RAD54L2: variants seen among roughly 807,000 people sequenced by gnomAD.
RAD54L2 encodes RAD54 like 2, also known as helicase ARIP4.
A neutral mutation model predicts 138.4 loss-of-function variants in RAD54L2; 27 were observed. The ratio of observed to expected loss-of-function variants is 0.20; its 90% CI spans 0.14 to 0.27. RAD54L2 has a LOEUF of 0.27. Ranked by LOEUF, RAD54L2 falls within the 10% of genes least tolerant of loss-of-function variation. The probability of loss-of-function intolerance (pLI) is 1.00; values close to 1 mark genes in which losing one functional copy is unlikely to be tolerated. For synonymous variants in RAD54L2, 644 were observed against 723.2 expected (o/e 0.89, Z 1.76); for missense variants, 1,396 against 1,890.2 (o/e 0.74, Z 4.85).
chr3:51,573,680 C>T (rs11708092), intron 2 of RAD54L2, among the ~76,000 whole-genome samples: 3,856 of 152,112 alleles, frequency 0.025, 71 homozygotes, highest in Middle Eastern at 0.051. Flanking sequence ...ATGTTGGCCA[C>T]GCTGGTCTCG....
intron 19 of RAD54L2, among the ~76,000 whole-genome samples, chr3:51,653,226 A>G (rs554822844): frequency 2.0e-5 from 3 of 152,346 alleles, no homozygotes; most frequent in Admixed American, 1.3e-4. Flanking sequence ...CAAAACCGCA[A>G]TGAGATACCA....
In RAD54L2 at chr3:51,576,859, CTCTGA is replaced by C. The variant is rs1299793957; in HGVS notation, c.-54-13504_-54-13500del. Among the ~76,000 whole-genome samples the C allele has an allele frequency of 2.0e-5, 3 of 152,086 alleles. No homozygotes were observed. In the South Asian group the frequency reaches 6.2e-4, roughly 32 times the overall value. ...TGTGTCTCTATTTCCTTCAGTTCTGCTCTGATCTATTTCCTGCCTTCTGCTAGCTT... is the reference window on the plus strand; with the variant it reads ...TGTGTCTCTATTTCCTTCAGTTCTGCTCTATTTCCTGCCTTCTGCTAGCTT... On this transcript the variant is annotated intron_variant, in intron 2 of 22. Transcript: ENST00000684192.
chr3:51,579,823 T>G (rs1699567511), intron 2 of RAD54L2, among the ~76,000 whole-genome samples: 1 of 152,140 alleles, frequency 6.6e-6, no homozygotes. Flanking sequence ...CACAGTTTAT[T>G]TTTACACATG....
intron 3 of RAD54L2, among the ~76,000 whole-genome samples, chr3:51,626,382 C>G (rs983312073): frequency 3.5e-5 from 5 of 142,136 alleles, no homozygotes; most frequent in Admixed American, 7.5e-5. Flanking sequence ...ACTCCAACCC[C>G]AGTCCTTGCT....
intron 3 of RAD54L2, among the ~76,000 whole-genome samples, chr3:51,593,093 A>G (rs1699873655): frequency 6.6e-6 from 1 of 151,972 alleles, no homozygotes; most frequent in African/African-American, 2.4e-5. Context: ...TCAACCTGGT[A>G]TGATTTTGCT....
intron 3 of RAD54L2, among the ~76,000 whole-genome samples, chr3:51,626,609 T>G (rs1165878121): frequency 6.6e-6 from 1 of 151,578 alleles, no homozygotes; most frequent in Non-Finnish European, 1.5e-5. Context: ...CATGCCTGGC[T>G]AATTTTTGTA....
chr3:51,566,478 T>TG (rs1559619196), intron 2 of RAD54L2, among the ~76,000 whole-genome samples: 2 of 133,632 alleles, frequency 1.5e-5, no homozygotes, highest in African/African-American at 5.7e-5. Flanking sequence ...TTTTTTTTTT[T>TG]TTTTTTTTTT....
rs754850645 is a variant in RAD54L2 at position 51,633,741 on chromosome 3, A to C, written c.990A>C (p.Thr330=). 6.2e-7 allele frequency: 1 copy of C among 1,613,904 alleles called. No homozygotes were observed. The highest frequency in any genetic ancestry group is 8.5e-7 in the Non-Finnish European group (1 of 1,179,872). ...TCTTCCGCCACACGCCAGCCAAAAC[A>C]GTCCTTGCCATTGTGCCGGTAAGAG... is the stretch of plus-strand genomic sequence containing the variant. ...DVLFRHTPAK[T]VLAIVPVNTL... Residue 330 remains threonine (T), a synonymous_variant, in exon 8 of 23, where the codon ACA becomes ACC. Coordinates refer to ENST00000684192, the MANE Select transcript of RAD54L2 (RefSeq NM_015106.4).
chr3:51,630,162 G>T, intron 5 of RAD54L2, 110 bp from the exon 6 acceptor site: 1 of 782,304 alleles, frequency 1.3e-6, no homozygotes. Flanking sequence ...CTTCTCAGTG[G>T]ATACTCCCCA....
At chr3:51,617,459 T>C (rs529827665) in intron 3 of RAD54L2, among the ~76,000 whole-genome samples, 1 of 152,364 alleles carries the variant, frequency 6.6e-6, no homozygotes, top group Admixed American at 6.5e-5. Context: ...TCTAATGATA[T>C]TGAGCATCTT....
chr3:51,565,508 C>T (rs991080984), intron 2 of RAD54L2, among the ~76,000 whole-genome samples: 1 of 152,182 alleles, frequency 6.6e-6, no homozygotes, highest in Non-Finnish European at 1.5e-5. Flanking sequence ...TGGCGTCTTA[C>T]TCTGTCACCC....
At chr3:51,567,596 C>G (rs1414158660) in intron 2 of RAD54L2, among the ~76,000 whole-genome samples, 1 of 152,048 alleles carries the variant, frequency 6.6e-6, no homozygotes, top group East Asian at 1.9e-4. Flanking sequence ...AGTTATTGAT[C>G]AAGATAGCAG....
At chr3:51,585,654 A>G (rs1468780248) in intron 2 of RAD54L2, among the ~76,000 whole-genome samples, 1 of 152,168 alleles carries the variant, frequency 6.6e-6, no homozygotes, top group African/African-American at 2.4e-5. Context: ...CACGATTGCT[A>G]TGAGGTGCTA....
chr3:51,659,361 T>C (rs1462900514), intron 21 of RAD54L2, among the ~76,000 whole-genome samples: 3 of 152,122 alleles, frequency 2.0e-5, no homozygotes, highest in African/African-American at 7.2e-5. Context: ...CGCCTCGGCC[T>C]CCCAAAATGC....
intron 2 of RAD54L2, among the ~76,000 whole-genome samples, chr3:51,543,549 G>T (rs138586078): frequency 9.3e-5 from 14 of 151,260 alleles, no homozygotes; most frequent in Admixed American, 9.2e-4. Context: ...CGGAGGTTGC[G>T]GTGAGCAGAG....
In RAD54L2 at chr3:51,663,568, GC is replaced by G. The variant is rs1464423617; in HGVS notation, c.*149del. 5.0e-6 allele frequency: 2 copies of G among 403,074 alleles called. No homozygotes were observed. The highest frequency in any genetic ancestry group is 8.0e-6 in the Non-Finnish European group (2 of 251,042). 25.0% of individuals were successfully genotyped at this position (403,074 alleles called of 1,614,324 possible). Reference sequence around the variant, plus strand: ...GAGGGTGGTTGGCCAAAGTGGCAGAGCTCTGTTGCTGTTTAACAAAAGAGGC... The same window carrying G: ...GAGGGTGGTTGGCCAAAGTGGCAGAGTCTGTTGCTGTTTAACAAAAGAGGC... On this transcript the variant is annotated 3_prime_UTR_variant, in exon 23 of 23. Transcript: ENST00000684192.
chr3:51,573,668 C>T (rs1261474012), intron 2 of RAD54L2, among the ~76,000 whole-genome samples: 1 of 152,084 alleles, frequency 6.6e-6, no homozygotes, highest in African/African-American at 2.4e-5. Flanking sequence ...TGGGGTTTTG[C>T]CATGTTGGCC....
chr3:51,639,071 T>C (rs1034402194), intron 12 of RAD54L2: 94 of 275,418 alleles, frequency 3.4e-4, no homozygotes, highest in Non-Finnish European at 5.1e-4. Flanking sequence ...TCTATAGTTT[T>C]ATACAGTAGC....
At chr3:51,583,757 TA>T (rs1433521054) in intron 2 of RAD54L2, among the ~76,000 whole-genome samples, 1 of 151,968 alleles carries the variant, frequency 6.6e-6, no homozygotes, top group African/African-American at 2.4e-5. Context: ...AGGTTAATTG[TA>T]ATACAGAGTT....
Sources: gnomAD v4.1 joint callset for allele counts (sites outside exome capture counted in the v4.1 genomes callset) on GRCh38, gnomAD v4.1.1 for gene constraint, MANE v1.5 for transcripts, NCBI Gene and HGNC (gene_info 2026-07-23, HGNC 2026-07-21) for gene names.